SEMA6D: variants seen among roughly 807,000 people sequenced by gnomAD.
SEMA6D encodes semaphorin-6D.
SEMA6D carries 35 observed loss-of-function variants against 106.6 expected under a neutral mutation model. The ratio of observed to expected loss-of-function variants is 0.33; its 90% confidence interval spans 0.25 to 0.44. SEMA6D has a LOEUF of 0.44. SEMA6D is among the 20% of genes least tolerant of loss of function. The pLI, the probability that SEMA6D is intolerant of heterozygous loss-of-function variation, is 1.00. For missense variants in SEMA6D, 1,185 were observed against 1,345.9 expected, an observed-to-expected ratio of 0.88 and a Z score of 1.87; for synonymous variants, 499 against 487.7, an observed-to-expected ratio of 1.02 and a Z score of -0.31.
chr15:47,687,066 CAAAAAAA>C (rs369941348), intron 4 of SEMA6D, among the ~76,000 whole-genome samples: 3 of 121,036 alleles, frequency 2.5e-5, no homozygotes, highest in Non-Finnish European at 3.3e-5. Flanking sequence ...ACCCTGTATC[CAAAAAAA>C]AAAAAAAAAA....
chr15:47,498,003 T>C (rs2043726075), intron 3 of SEMA6D, among the ~76,000 whole-genome samples: 2 of 152,258 alleles, frequency 1.3e-5, no homozygotes, highest in African/African-American at 4.8e-5. Flanking sequence ...TCTATCTCTT[T>C]GTATACTGTG....
At chr15:47,440,933 G>A (rs558245204) in intron 2 of SEMA6D, among the ~76,000 whole-genome samples, 2 of 152,150 alleles carry the variant, frequency 1.3e-5, no homozygotes, top group South Asian at 2.1e-4. Flanking sequence ...TTGACCTTTA[G>A]GAGACCAAAC....
Position 47,641,126 on chromosome 15 carries a change from C to T in SEMA6D, c.-55+40230C>T, listed in dbSNP as rs192995750. On this transcript the variant is annotated intron_variant, in intron 4 of 19. Coordinates refer to the SEMA6D transcript ENST00000558014. Reference sequence around the variant, plus strand: ...ACTGCTGCTTCCGCCCGAGGGCTGCCGCAGTATCCATTCCTCTCGCATCCC... The same window carrying T: ...ACTGCTGCTTCCGCCCGAGGGCTGCTGCAGTATCCATTCCTCTCGCATCCC... Among the ~76,000 whole-genome samples the T allele has an allele frequency of 2.3e-4, 35 of 152,278 alleles. 1 individual carries two copies. The highest frequency in any genetic ancestry group is 3.8e-4 in the Non-Finnish European group (26 of 68,022).
intron 1 of SEMA6D, among the ~76,000 whole-genome samples, chr15:47,186,075 GTATA>G (rs1025933106): frequency 2.6e-5 from 4 of 152,030 alleles, no homozygotes; most frequent in Non-Finnish European, 5.9e-5. Context: ...ATGTGTGCAT[GTATA>G]TATATGTGTG....
chr15:47,619,198 G>A (rs1018681729), intron 4 of SEMA6D, among the ~76,000 whole-genome samples: 1 of 152,226 alleles, frequency 6.6e-6, no homozygotes, highest in Non-Finnish European at 1.5e-5. Context: ...AAAACGACTT[G>A]CTTGCCTTCT....
intron 3 of SEMA6D, among the ~76,000 whole-genome samples, chr15:47,559,765 ATTCT>A (rs1406358272): frequency 2.0e-5 from 3 of 152,170 alleles, no homozygotes; most frequent in Non-Finnish European, 4.4e-5. Context: ...GAATGCACAC[ATTCT>A]CAGAGGCAAT....
intron 1 of SEMA6D, among the ~76,000 whole-genome samples, chr15:47,725,480 C>A (rs1034964820): frequency 5.9e-5 from 9 of 152,142 alleles, no homozygotes; most frequent in Admixed American, 2.0e-4. Flanking sequence ...ATCAGCACCC[C>A]TTTCAGGGCC....
At chr15:47,236,391 A>G (rs2032541955) in intron 1 of SEMA6D, among the ~76,000 whole-genome samples, 1 of 152,146 alleles carries the variant, frequency 6.6e-6, no homozygotes, top group Non-Finnish European at 1.5e-5. Flanking sequence ...CAGAGTCAAT[A>G]TAATAGAATT....
chr15:47,257,016 G>A (rs1266804157), intron 1 of SEMA6D, among the ~76,000 whole-genome samples: 1 of 151,016 alleles, frequency 6.6e-6, no homozygotes, highest in East Asian at 1.9e-4. Context: ...ATACTGTCTT[G>A]ACCTTTCAGT....
At position 47,295,572 on chromosome 15, in the gene SEMA6D, A is replaced by G. The variant is rs1279776070; in HGVS notation, c.-239+111154A>G. Among the ~76,000 whole-genome samples the G allele has an allele frequency of 2.6e-5, 4 of 152,244 alleles. No individual in the cohort carries two copies. The East Asian group carries it at 5.8e-4, about 22-fold the overall frequency. ...CCAGAGAAATAACCACTGTGTGTGA[A>G]GGAGGAAAGAAAGCCCCTATGGCAG... On this transcript the variant is annotated intron_variant, in intron 1 of 19. Transcript: ENST00000558014.
intron 1 of SEMA6D, among the ~76,000 whole-genome samples, chr15:47,275,816 A>T (rs1194339354): frequency 6.6e-6 from 1 of 152,148 alleles, no homozygotes; most frequent in African/African-American, 2.4e-5. Context: ...GATTAAGCTG[A>T]GTAAGTAAGT....
chr15:47,589,401 TCCTGCTCCAGCC>T (rs1350004906), intron 3 of SEMA6D, among the ~76,000 whole-genome samples: 2 of 152,368 alleles, frequency 1.3e-5, no homozygotes, highest in Middle Eastern at 3.4e-3. Flanking sequence ...GCCTTCCTGT[TCCTGCTCCAGCC>T]CCTGCTGACT....
chr15:47,406,003 G>C (rs1473092707), intron 1 of SEMA6D, among the ~76,000 whole-genome samples: 1 of 152,172 alleles, frequency 6.6e-6, no homozygotes, highest in Admixed American at 6.5e-5. Context: ...CATATGCAAG[G>C]AGACCTGAGA....
rs774978173 is a variant in SEMA6D, at chr15:47,766,119, C to T, written c.1583C>T (p.Ser528Phe). The change falls in exon 15 of 19, where the codon TCT becomes TTT. Residue 528 changes from serine to phenylalanine, a missense_variant. Coordinates refer to ENST00000536845, the MANE Select transcript of SEMA6D (RefSeq NM_001358351.3). ...GTTTTACACAGGTCTTGTATTGCAT[C>T]TCGTGACCCGTATTGTGGCTGGTTA... ...YGSCKKSCIA[S>F]RDPYCGWLSQ... 1.2e-6 allele frequency: 2 copies of T among 1,613,698 alleles called. No individual in the cohort carries two copies. The highest frequency in any genetic ancestry group is 1.7e-5 in the Admixed American group (1 of 60,014).
At chr15:47,744,642 T>G (rs893249958) in intron 1 of SEMA6D, among the ~76,000 whole-genome samples, 2 of 152,142 alleles carry the variant, frequency 1.3e-5, no homozygotes, top group Non-Finnish European at 2.9e-5. Flanking sequence ...TAAGTGCCAG[T>G]GGAGGCTCGG....
chr15:47,659,319 GATAAATATTATATTAAA>G (rs2077869672), intron 4 of SEMA6D, among the ~76,000 whole-genome samples: 1 of 151,678 alleles, frequency 6.6e-6, no homozygotes, highest in Non-Finnish European at 1.5e-5. Flanking sequence ...TTTAGTATAT[GATAAATATTATATTAAA>G]ATCAATGAAG....
At chr15:47,236,358 A>G (rs1301740553) in intron 1 of SEMA6D, among the ~76,000 whole-genome samples, 1 of 151,880 alleles carries the variant, frequency 6.6e-6, no homozygotes, top group Non-Finnish European at 1.5e-5. Flanking sequence ...GGTTCTCTCC[A>G]CCCCCATGTT....
intron 4 of SEMA6D, among the ~76,000 whole-genome samples, chr15:47,641,721 C>G (rs1366884998): frequency 1.3e-5 from 2 of 152,188 alleles, no homozygotes; most frequent in Non-Finnish European, 2.9e-5. Context: ...ACCTCTTGCC[C>G]TTCCGCCTCA....
At chr15:47,653,857 A>G (rs2145025740) in intron 4 of SEMA6D, among the ~76,000 whole-genome samples, 2 of 152,332 alleles carry the variant, frequency 1.3e-5, no homozygotes, top group South Asian at 4.1e-4. Flanking sequence ...TCAGGGATTA[A>G]AGGCCCTTGC....
Sources: gnomAD v4.1 joint callset for allele counts (sites outside exome capture counted in the v4.1 genomes callset) on GRCh38, gnomAD v4.1.1 for gene constraint, MANE v1.5 for transcripts, NCBI Gene and HGNC (gene_info 2026-07-23, HGNC 2026-07-21) for gene names.